Variants in PDE4D observed in about 807,000 individuals in gnomAD.
The protein encoded by PDE4D is 3',5'-cyclic-AMP phosphodiesterase 4D.
A neutral mutation model predicts 87.4 loss-of-function variants in PDE4D; 24 were observed. That is an observed-to-expected ratio of 0.27 (90% confidence interval 0.20 to 0.39). The LOEUF (loss-of-function observed/expected upper bound fraction) is 0.39, where lower values mean the gene tolerates loss of function less well. PDE4D is among the 10% of genes least tolerant of loss of function. PDE4D has a pLI of 1.00. For synonymous variants in PDE4D, 384 were observed against 383.2 expected, an observed-to-expected ratio of 1.00 and a Z score of -0.02; for missense variants, 714 against 1,041.0, an observed-to-expected ratio of 0.69 and a Z score of 4.32.
chr5:59,963,678 G>T (rs1759717175), intron 3 of PDE4D, among the ~76,000 whole-genome samples: 1 of 152,098 alleles, frequency 6.6e-6, no homozygotes, highest in Non-Finnish European at 1.5e-5. Context: ...CTTTCCATTA[G>T]TAAAGTCTAT....
At chr5:59,545,048 C>G (rs1352986528) in intron 1 of PDE4D, among the ~76,000 whole-genome samples, 1 of 152,174 alleles carries the variant, frequency 6.6e-6, no homozygotes, top group Non-Finnish European at 1.5e-5. Flanking sequence ...AATCCAATTA[C>G]ATAAAAAGCA....
At chr5:59,276,685 T>C (rs1186734891) in intron 1 of PDE4D, among the ~76,000 whole-genome samples, 1 of 152,080 alleles carries the variant, frequency 6.6e-6, no homozygotes, top group African/African-American at 2.4e-5. Flanking sequence ...CCTTGCACAA[T>C]GTTTTCTAAA....
chr5:60,456,405 GC>G (rs1746471236), intron 1 of PDE4D, among the ~76,000 whole-genome samples: 1 of 152,228 alleles, frequency 6.6e-6, no homozygotes, highest in Non-Finnish European at 1.5e-5. Context: ...ACCTGGGTTA[GC>G]CAGGAAATCT....
At chr5:59,665,240 G>GT (rs1488699879) in intron 1 of PDE4D, among the ~76,000 whole-genome samples, 1 of 152,178 alleles carries the variant, frequency 6.6e-6, no homozygotes, top group Non-Finnish European at 1.5e-5. Context: ...CCATGACCTT[G>GT]TCACCAATAC....
chr5:59,164,776 G>C (rs997715366), intron 5 of PDE4D, among the ~76,000 whole-genome samples: 2 of 152,072 alleles, frequency 1.3e-5, no homozygotes, highest in African/African-American at 4.8e-5. Flanking sequence ...GTTAAACGTT[G>C]GGTAAGGAAG....
intron 1 of PDE4D, among the ~76,000 whole-genome samples, chr5:59,219,862 G>A (rs1752078039): frequency 6.6e-6 from 1 of 152,142 alleles, no homozygotes. Flanking sequence ...AGCCAGAGTA[G>A]AGCTGGGGTT....
intron 1 of PDE4D, among the ~76,000 whole-genome samples, chr5:60,367,560 G>A (rs890201459): frequency 6.6e-6 from 1 of 150,980 alleles, no homozygotes; most frequent in Non-Finnish European, 1.5e-5. Flanking sequence ...CTCCTTAATA[G>A]AATATGAGTT....
intron 5 of PDE4D, among the ~76,000 whole-genome samples, chr5:59,065,067 TACACACACACACACACACAC>T (rs10563874): frequency 0.072 from 6,401 of 89,324 alleles, 337 homozygotes; most frequent in East Asian, 0.3. Context: ...GATATATATA[TACACACACACACACACACAC>T]ACACACACAC....
intron 2 of PDE4D, among the ~76,000 whole-genome samples, chr5:59,209,831 A>G (rs753705843): frequency 6.6e-6 from 1 of 152,214 alleles, no homozygotes; most frequent in Non-Finnish European, 1.5e-5. Flanking sequence ...CACAGAAAGG[A>G]ATATCATGGT....
intron 1 of PDE4D, among the ~76,000 whole-genome samples, chr5:60,253,053 A>G (rs1316786955): frequency 2.0e-5 from 3 of 151,860 alleles, no homozygotes; most frequent in Non-Finnish European, 2.9e-5. Flanking sequence ...AACGGTCACT[A>G]TTAGTTATGG....
At chr5:59,680,462 A>G (rs553940769) in intron 1 of PDE4D, among the ~76,000 whole-genome samples, 3 of 152,274 alleles carry the variant, frequency 2.0e-5, no homozygotes, top group African/African-American at 7.2e-5. Flanking sequence ...TTAAACATAG[A>G]AACAGAAAAT....
intron 1 of PDE4D, among the ~76,000 whole-genome samples, chr5:60,416,675 T>G (rs1407847674): frequency 6.6e-6 from 1 of 152,168 alleles, no homozygotes; most frequent in Non-Finnish European, 1.5e-5. Flanking sequence ...ACCATGAGCG[T>G]CCGCGGCTTC....
At chr5:59,361,257 C>CA (rs546860525) in intron 1 of PDE4D, among the ~76,000 whole-genome samples, 7 of 152,214 alleles carry the variant, frequency 4.6e-5, no homozygotes, top group Admixed American at 3.9e-4. Context: ...AAATGACTGA[C>CA]AAGTTCCTAA....
At chr5:59,202,054 T>TTTC (rs1747564126) in intron 2 of PDE4D, among the ~76,000 whole-genome samples, 2 of 148,108 alleles carry the variant, frequency 1.4e-5, no homozygotes, top group African/African-American at 2.5e-5. Context: ...TTTTTTTTTT[T>TTTC]CTGAGATGGA....
intron 1 of PDE4D, among the ~76,000 whole-genome samples, chr5:60,277,080 T>A (rs1205332068): frequency 6.6e-6 from 1 of 151,934 alleles, no homozygotes; most frequent in Non-Finnish European, 1.5e-5. Context: ...TTTTATTTTT[T>A]AATTGTATAC....
intron 1 of PDE4D, among the ~76,000 whole-genome samples, chr5:60,487,368 C>A (rs1261132971): frequency 2.6e-5 from 4 of 152,170 alleles, no homozygotes; most frequent in African/African-American, 9.7e-5. Flanking sequence ...ATAAACAGAA[C>A]CACTGAAGAG....
At chr5:59,196,408 A>G (rs901129143) in intron 2 of PDE4D, among the ~76,000 whole-genome samples, 2 of 152,232 alleles carry the variant, frequency 1.3e-5, no homozygotes, top group Admixed American at 1.3e-4. Flanking sequence ...TGCAAATTAC[A>G]AAGTGATGCC....
At chr5:59,987,258 T>C (rs982781220) in intron 3 of PDE4D, 1 of 152,182 alleles carries the variant, frequency 6.6e-6, no homozygotes, top group Non-Finnish European at 1.5e-5. Context: ...TTTCAAAAAA[T>C]GTTCAGGTCA....
At chr5:59,470,289 C>T (rs1021021084) in intron 1 of PDE4D, among the ~76,000 whole-genome samples, 3 of 151,144 alleles carry the variant, frequency 2.0e-5, no homozygotes, top group African/African-American at 7.4e-5. Flanking sequence ...CAACAAACTG[C>T]TGGTAAGGAA....
Sources: gnomAD v4.1 joint callset for allele counts (sites outside exome capture counted in the v4.1 genomes callset) on GRCh38, gnomAD v4.1.1 for gene constraint, MANE v1.5 for transcripts, NCBI Gene and HGNC (gene_info 2026-07-23, HGNC 2026-07-21) for gene names.